The following EPB41L4B variants were observed in gnomAD, a reference collection of about 807,000 sequenced individuals.
EPB41L4B encodes erythrocyte membrane protein band 4.1 like 4B.
EPB41L4B carries 30 observed loss-of-function variants against 112.5 expected under a neutral mutation model. The observed-to-expected ratio is 0.27, with a 90% CI of 0.20 to 0.36. The LOEUF is 0.36. Ranked by LOEUF, EPB41L4B falls within the 10% of genes least tolerant of loss-of-function variation. The pLI, the probability that EPB41L4B is intolerant of heterozygous loss-of-function variation, is 1.00. For synonymous variants in EPB41L4B, 408 were observed against 439.7 expected, an observed-to-expected ratio of 0.93 and a Z score of 0.90; for missense variants, 1,024 against 1,133.3, an observed-to-expected ratio of 0.90 and a Z score of 1.38.
chr9:109,243,769 C>A (rs189573565), intron 14 of EPB41L4B, 87 bp from the exon 15 acceptor site: 2 of 1,342,172 alleles, frequency 1.5e-6, no homozygotes, highest in East Asian at 2.3e-5. Flanking sequence ...GGCATCCACC[C>A]GAGGGGCTGG....
At chr9:109,179,660 A>G (rs1168712843) in intron 24 of EPB41L4B, among the ~76,000 whole-genome samples, 3 of 152,162 alleles carry the variant, frequency 2.0e-5, no homozygotes, top group African/African-American at 7.2e-5. Flanking sequence ...AAGTTTCTTT[A>G]TCTCAGTGAA....
At chr9:109,228,266 T>G (rs1833849115) in intron 15 of EPB41L4B, among the ~76,000 whole-genome samples, 1 of 152,258 alleles carries the variant, frequency 6.6e-6, no homozygotes, top group South Asian at 2.1e-4. Context: ...AAATCTGTGC[T>G]GTTCCTAAGT....
At chr9:109,202,290 C>T (rs1222918308) in intron 19 of EPB41L4B, among the ~76,000 whole-genome samples, 1 of 152,134 alleles carries the variant, frequency 6.6e-6, no homozygotes, top group Non-Finnish European at 1.5e-5. Flanking sequence ...ATACCAAGCA[C>T]ACAGATTGGG....
intron 16 of EPB41L4B, among the ~76,000 whole-genome samples, chr9:109,214,293 C>T (rs1373428721): frequency 6.6e-6 from 1 of 152,124 alleles, no homozygotes; most frequent in Non-Finnish European, 1.5e-5. Context: ...GATTCATTTG[C>T]CACTACTTCT....
At position 109,172,545 on chromosome 9, in the gene EPB41L4B, T is replaced by A. The variant is rs564198671; in HGVS notation, c.*2009A>T. On this transcript the variant is annotated 3_prime_UTR_variant, in exon 26 of 26. Coordinates refer to ENST00000374566, the MANE Select transcript of EPB41L4B (RefSeq NM_019114.5). ...TCAGTGAGAACAGCATAATATCCTA[T>A]AAAAGGCCAAGCCAAGCCCTACACA... The A allele has an allele frequency of 1.2e-4, 18 of 151,810 alleles. No individual in the cohort carries two copies. The highest frequency in any genetic ancestry group is 2.1e-4 in the Non-Finnish European group (14 of 67,946). The allele number at this position is 151,810 out of a possible 1,614,324, so 9.4% of individuals were successfully genotyped here. A position where few individuals can be genotyped will look rare whatever the true frequency, so the allele number is the denominator to read the frequency against.
At chr9:109,274,247 C>T (rs1015597637) in intron 2 of EPB41L4B, among the ~76,000 whole-genome samples, 1 of 152,134 alleles carries the variant, frequency 6.6e-6, no homozygotes, top group East Asian at 1.9e-4. Flanking sequence ...ACAGTGGCCA[C>T]ATCTACCCTC....
intron 6 of EPB41L4B, among the ~76,000 whole-genome samples, chr9:109,262,723 G>T (rs1835260700): frequency 6.6e-6 from 1 of 152,130 alleles, no homozygotes; most frequent in Non-Finnish European, 1.5e-5. Context: ...CCAAATGCTT[G>T]AACTTCACTC....
At chr9:109,246,787 G>A (rs376609505) in intron 14 of EPB41L4B, among the ~76,000 whole-genome samples, 10 of 152,340 alleles carry the variant, frequency 6.6e-5, no homozygotes, top group East Asian at 1.9e-4. Context: ...CTGGTTGGCC[G>A]TCCTGAGAAA....
chr9:109,291,295 T>C (rs1462679155), intron 1 of EPB41L4B, among the ~76,000 whole-genome samples: 3 of 152,152 alleles, frequency 2.0e-5, no homozygotes, highest in Non-Finnish European at 4.4e-5. Context: ...AAACAAGAAA[T>C]ATTTCTTAAG....
Position 109,197,815 on chromosome 9 carries a change from G to A in EPB41L4B, c.2045+2421C>T, listed in dbSNP as rs539279682. 3.7e-4 allele frequency among the ~76,000 whole-genome samples: 32 copies of A among 86,752 alleles called. No homozygotes were observed. In the Admixed American group the frequency reaches 4.8e-3, roughly 13 times the overall value. The allele number at this position is 86,752 out of a possible 152,430, so 56.9% of individuals were successfully genotyped here. A position where few individuals can be genotyped will look rare whatever the true frequency, so the allele number is the denominator to read the frequency against. On this transcript the variant is annotated intron_variant, in intron 20 of 25. Coordinates refer to ENST00000374566, the MANE Select transcript of EPB41L4B (RefSeq NM_019114.5). ...AGCCTGGGCGACAGAGTGAGACTCT[G>A]TATCAAAAAAAAAAAAAAACAAAAA...
At chr9:109,192,047 A>G (rs1832476755) in intron 22 of EPB41L4B, among the ~76,000 whole-genome samples, 1 of 152,184 alleles carries the variant, frequency 6.6e-6, no homozygotes, top group East Asian at 1.9e-4. Context: ...AGGCATGGGC[A>G]GGACCCCCAC....
chr9:109,284,284 C>T (rs572512451), intron 1 of EPB41L4B, among the ~76,000 whole-genome samples: 13 of 152,288 alleles, frequency 8.5e-5, no homozygotes, highest in African/African-American at 2.9e-4. Context: ...ACCCAAAGTA[C>T]GGTTTTCACT....
intron 13 of EPB41L4B, 68 bp from the exon 14 acceptor site, chr9:109,247,857 GATTT>G (rs909975693): frequency 1.6e-6 from 2 of 1,219,138 alleles, no homozygotes; most frequent in South Asian, 1.7e-5. Context: ...CATTATTAAT[GATTT>G]ATTTAACAAT....
Position 109,307,984 on chromosome 9 carries a change from G to T in EPB41L4B, c.306+12157C>A, listed in dbSNP as rs574546696. On this transcript the variant is annotated intron_variant, in intron 1 of 25. Coordinates refer to ENST00000374566, the MANE Select transcript of EPB41L4B (RefSeq NM_019114.5). ...CTGGAGTGAGCAGCCTTCCAAGGCA[G>T]ATGGGAAAGGCCTTTCGCCGCCTCC... Among the ~76,000 whole-genome samples the T allele has an allele frequency of 2.0e-5, 3 of 152,302 alleles. No homozygotes were observed. The East Asian group carries it at 5.8e-4, about 29-fold the overall frequency.
chr9:109,316,694 G>C (rs944234276), intron 1 of EPB41L4B, among the ~76,000 whole-genome samples: 1 of 152,210 alleles, frequency 6.6e-6, no homozygotes, highest in African/African-American at 2.4e-5. Context: ...AGTTGGGTTT[G>C]TACAGCAAGT....
intron 1 of EPB41L4B, among the ~76,000 whole-genome samples, chr9:109,314,755 C>T (rs572240896): frequency 6.6e-6 from 1 of 152,082 alleles, no homozygotes; most frequent in Non-Finnish European, 1.5e-5. Flanking sequence ...GTGGGTGGGG[C>T]AAGTAGTGGA....
chr9:109,205,113 T>C (rs928918779), intron 18 of EPB41L4B, among the ~76,000 whole-genome samples: 1 of 152,296 alleles, frequency 6.6e-6, no homozygotes, highest in East Asian at 1.9e-4. Flanking sequence ...TCAGAGACTA[T>C]AAGAAGCTGA....
chr9:109,225,553 AG>A lies in EPB41L4B; in HGVS notation c.1410-8409del, dbSNP rs371811237. ...CATGAGACTTATTCACTACCACAGT[AG>A]GGGGGAAACTTCCCCGATTCAATTA... On this transcript the variant is annotated intron_variant, in intron 15 of 25. Coordinates refer to ENST00000374566, the MANE Select transcript of EPB41L4B (RefSeq NM_019114.5). Among the ~76,000 whole-genome samples the A allele has an allele frequency of 8.3e-3, 1,265 of 152,342 alleles. 15 individuals are homozygous for A. Among genetic ancestry groups the A allele is most frequent in the African/African-American group, 0.029 (1,202 of 41,572 alleles).
At chr9:109,222,053 A>C (rs368773957) in intron 15 of EPB41L4B, among the ~76,000 whole-genome samples, 4 of 152,140 alleles carry the variant, frequency 2.6e-5, no homozygotes, top group African/African-American at 9.7e-5. Context: ...GTTAAAAGTG[A>C]GTGGTATTTA....
Sources: allele counts gnomAD v4.1 joint callset (sites outside exome capture counted in the v4.1 genomes callset), GRCh38; gene constraint gnomAD v4.1.1; transcripts MANE v1.5; gene names NCBI Gene and HGNC (gene_info 2026-07-23, HGNC 2026-07-21).